The following RRAS2 variants were observed in gnomAD, a reference collection of about 807,000 sequenced individuals.
RRAS2 encodes the protein ras-related protein R-Ras2.
Under a neutral mutation model 27.6 loss-of-function variants are expected in RRAS2, and 7 were observed. That is an observed-to-expected ratio of 0.25 (90% CI 0.14 to 0.48). RRAS2 has a LOEUF of 0.48. RRAS2 is among the 20% of genes least tolerant of loss of function. RRAS2 has a pLI of 0.99. For missense variants in RRAS2, 178 were observed against 256.2 expected (o/e 0.69, Z 2.08); for synonymous variants, 86 against 90.9 (o/e 0.95, Z 0.31).
chr11:14,279,411 G>C lies in RRAS2; in HGVS notation c.541C>G (p.Gln181Glu), dbSNP rs1554943974. The part of the protein sequence containing the change: ...LVRVIRKFQE[Q>E]ECPPSPEPTR... The stretch of plus-strand genomic sequence containing the variant: ...GGTTCTGGTGAAGGAGGACATTCCT[G>C]CTCTTGAAATTTCCTGTAAGATAAA... The change falls in exon 6 of 6, where the codon CAG becomes GAG. Residue 181 changes from glutamine (Q) to glutamate (E), a missense_variant. Physicochemically the swap from Gln to Glu is conservative, Grantham distance 29. Coordinates refer to ENST00000256196, the MANE Select transcript of RRAS2 (RefSeq NM_012250.6). The C allele has an allele frequency of 6.2e-7, 1 of 1,610,466 alleles. No individual in the cohort carries two copies. The highest frequency in any genetic ancestry group is 1.1e-5 in the South Asian group (1 of 90,942).
In RRAS2 at chr11:14,279,266, G is replaced by T; in HGVS notation, c.*71C>A. Reference sequence around the variant, plus strand: ...TCTAAGGCTAGAAAGGTACCAACAAGATGTAAACTGAGGAGAGAAAGAGAA... The same window carrying T: ...TCTAAGGCTAGAAAGGTACCAACAATATGTAAACTGAGGAGAGAAAGAGAA... On this transcript the variant is annotated 3_prime_UTR_variant, in exon 6 of 6. Transcript: ENST00000256196. 2 of 1,076,796 alleles carry T rather than the reference G, an allele frequency of 1.9e-6. No individual in the cohort carries two copies. Among genetic ancestry groups the T allele is most frequent in the East Asian group, 4.7e-5 (2 of 42,384 alleles). 66.7% of individuals were successfully genotyped at this position (1,076,796 alleles called of 1,614,324 possible). A position where few individuals can be genotyped will look rare whatever the true frequency, so the allele number is the denominator to read the frequency against.
At chr11:14,309,231 T>C (rs544424260) in intron 1 of RRAS2, among the ~76,000 whole-genome samples, 1 of 152,348 alleles carries the variant, frequency 6.6e-6, no homozygotes, top group East Asian at 1.9e-4. Context: ...GAACAGAGAA[T>C]GGTCTGTAGA....
In RRAS2 at chr11:14,358,287, C is replaced by T; in HGVS notation, c.108+476G>A. On this transcript the variant is annotated intron_variant, in intron 1 of 5. Coordinates refer to ENST00000256196, the MANE Select transcript of RRAS2 (RefSeq NM_012250.6). This position sits in a 1 kb window ranked among gnomAD's most constrained non-coding sequence, Gnocchi z 5.1. ...GCGGGCAGCTCCGGCTCAGGCGGCG[C>T]GGGGAAGCCCGGAGACCACGCGGAG... 1.0e-6 allele frequency: 1 copy of T among 985,490 alleles called. No homozygotes were observed. The highest frequency in any genetic ancestry group is 1.2e-6 in the Non-Finnish European group (1 of 829,972). The allele number at this position is 985,490 out of a possible 1,614,324, so 61.0% of individuals were successfully genotyped here.
chr11:14,344,983 CTTTA>C (rs1190749711), intron 1 of RRAS2, among the ~76,000 whole-genome samples: 3 of 78,978 alleles, frequency 3.8e-5, no homozygotes, highest in African/African-American at 9.6e-5. Flanking sequence ...CTACTCAAGA[CTTTA>C]TTTTTTTTTT....
chr11:14,290,221 C>T (rs1169557320), intron 4 of RRAS2, among the ~76,000 whole-genome samples: 1 of 152,124 alleles, frequency 6.6e-6, no homozygotes, highest in Non-Finnish European at 1.5e-5. Flanking sequence ...GAGGCCAAGG[C>T]GGCAGATCAC....
chr11:14,296,475 T>C (rs1335503591), intron 1 of RRAS2, among the ~76,000 whole-genome samples: 1 of 152,160 alleles, frequency 6.6e-6, no homozygotes, highest in Non-Finnish European at 1.5e-5. Context: ...AGAATCTAGA[T>C]CTCAAACTCT....
At chr11:14,351,038 G>C (rs547985536) in intron 1 of RRAS2, among the ~76,000 whole-genome samples, 28 of 152,266 alleles carry the variant, frequency 1.8e-4, no homozygotes, top group African/African-American at 6.5e-4. Context: ...TAAATTCTGA[G>C]ATTTGGGACT....
At chr11:14,354,720 A>G (rs1228745191) in intron 1 of RRAS2, among the ~76,000 whole-genome samples, 1 of 118,446 alleles carries the variant, frequency 8.4e-6, no homozygotes, top group African/African-American at 3.3e-5. Flanking sequence ...TCTGCTGCCC[A>G]GGCTGGAGTG....
chr11:14,329,902 T>A (rs1193994881), intron 1 of RRAS2, among the ~76,000 whole-genome samples: 1 of 151,992 alleles, frequency 6.6e-6, no homozygotes, highest in African/African-American at 2.4e-5. Flanking sequence ...AGACTTCATC[T>A]CTATAAATAA....
intron 1 of RRAS2, among the ~76,000 whole-genome samples, chr11:14,309,447 G>C (rs1211824201): frequency 6.6e-6 from 1 of 152,176 alleles, no homozygotes; most frequent in Non-Finnish European, 1.5e-5. Flanking sequence ...GTTTCTTGAA[G>C]TATTGACCAT....
chr11:14,342,049 T>A, intron 1 of RRAS2: 1 of 721,248 alleles, frequency 1.4e-6, no homozygotes, highest in Non-Finnish European at 1.8e-6. Flanking sequence ...TCAGTAGCCA[T>A]CAATTGCAGT....
intron 1 of RRAS2, among the ~76,000 whole-genome samples, chr11:14,323,749 A>C (rs1848281648): frequency 6.6e-6 from 1 of 152,194 alleles, no homozygotes. Context: ...ATTACAGGCC[A>C]ATTTCACTAA....
intron 1 of RRAS2, among the ~76,000 whole-genome samples, chr11:14,338,890 GTTT>G (rs1848642246): frequency 6.6e-6 from 1 of 152,050 alleles, no homozygotes. Flanking sequence ...TGGGGAAACG[GTTT>G]TTCACTAACC....
At chr11:14,314,443 A>C (rs1848047485) in intron 1 of RRAS2, among the ~76,000 whole-genome samples, 1 of 152,204 alleles carries the variant, frequency 6.6e-6, no homozygotes. Context: ...ATGCAGAAAT[A>C]AGAAGTGCAG....
At chr11:14,352,886 T>C (rs1554954989) in intron 1 of RRAS2, among the ~76,000 whole-genome samples, 1 of 150,830 alleles carries the variant, frequency 6.6e-6, no homozygotes, top group Non-Finnish European at 1.5e-5. Flanking sequence ...ACCCTCCGAC[T>C]CCCAGGTTCA....
chr11:14,334,660 T>C (rs1198114581), intron 1 of RRAS2, among the ~76,000 whole-genome samples: 15 of 151,866 alleles, frequency 9.9e-5, no homozygotes, highest in African/African-American at 3.6e-4. Flanking sequence ...TCCATAAACA[T>C]AGCCATATAA....
At chr11:14,340,038 G>C (rs571408930) in intron 1 of RRAS2, among the ~76,000 whole-genome samples, 1 of 151,296 alleles carries the variant, frequency 6.6e-6, no homozygotes, top group Non-Finnish European at 1.5e-5. Flanking sequence ...AGGTTTGCTT[G>C]AGCCAGGGTT....
Position 14,279,272 on chromosome 11 carries a change from A to C in RRAS2, c.*65T>G. On this transcript the variant is annotated 3_prime_UTR_variant, in exon 6 of 6. Transcript: ENST00000256196. ...GCTAGAAAGGTACCAACAAGATGTA[A>C]ACTGAGGAGAGAAAGAGAAGATGAG... 8.8e-7 allele frequency: 1 copy of C among 1,142,020 alleles called. No individual in the cohort carries two copies. Among genetic ancestry groups the C allele is most frequent in the South Asian group, 1.2e-5 (1 of 81,506 alleles). 70.7% of individuals were successfully genotyped at this position (1,142,020 alleles called of 1,614,324 possible).
intron 1 of RRAS2, among the ~76,000 whole-genome samples, chr11:14,317,764 A>G (rs2133991951): frequency 6.6e-6 from 1 of 152,228 alleles, no homozygotes; most frequent in Middle Eastern, 3.4e-3. Flanking sequence ...ATCATTGCAA[A>G]CTCTAAATGT....
Sources: allele counts gnomAD v4.1 joint callset (sites outside exome capture counted in the v4.1 genomes callset), GRCh38; gene constraint gnomAD v4.1.1; non-coding constraint Gnocchi (gnomAD v3.1); transcripts MANE v1.5; gene names NCBI Gene and HGNC (gene_info 2026-07-23, HGNC 2026-07-21).